ST7: variants seen among roughly 807,000 people sequenced by gnomAD.
ST7 encodes the protein suppressor of tumorigenicity 7 protein.
ST7 carries 28 observed loss-of-function variants against 78.7 expected under a neutral mutation model. That is an observed-to-expected ratio of 0.36 (90% CI 0.26 to 0.49). The LOEUF (loss-of-function observed/expected upper bound fraction) is 0.49, where lower values mean the gene tolerates loss of function less well. ST7 is among the 20% of genes least tolerant of loss of function. The pLI is 0.99. For synonymous variants in ST7, 247 were observed against 249.6 expected (o/e 0.99, Z 0.10); for missense variants, 418 against 696.0 (o/e 0.60, Z 4.49).
At chr7:117,025,228 G>A (rs928145674) in intron 1 of ST7, among the ~76,000 whole-genome samples, 2 of 152,148 alleles carry the variant, frequency 1.3e-5, no homozygotes, top group African/African-American at 4.8e-5. Context: ...TGAATTGGCT[G>A]AGATTTGAAT....
intron 1 of ST7, among the ~76,000 whole-genome samples, chr7:116,975,012 T>A (rs903718076): frequency 6.6e-5 from 10 of 152,194 alleles, no homozygotes; most frequent in Admixed American, 3.9e-4. Context: ...TTTTTTCATA[T>A]TTTAGTTAGG....
intron 1 of ST7, chr7:116,955,157 T>C (rs1792390412): frequency 2.1e-6 from 1 of 469,808 alleles, no homozygotes; most frequent in East Asian, 6.9e-5. Context: ...TAGACAAGTA[T>C]GTCTCCAGGA....
intron 1 of ST7, among the ~76,000 whole-genome samples, chr7:116,999,460 C>T (rs1351616124): frequency 1.3e-5 from 2 of 152,120 alleles, no homozygotes; most frequent in Non-Finnish European, 2.9e-5. Flanking sequence ...GAAAAGTATC[C>T]AGTAACAGAA....
intron 1 of ST7, among the ~76,000 whole-genome samples, chr7:117,037,762 A>G (rs1010359435): frequency 1.3e-5 from 2 of 152,222 alleles, no homozygotes; most frequent in African/African-American, 4.8e-5. Context: ...GGATAGGATT[A>G]AATCCAGTAT....
chr7:117,048,155 G>A (rs1797588116), intron 1 of ST7, among the ~76,000 whole-genome samples: 2 of 152,050 alleles, frequency 1.3e-5, no homozygotes, highest in South Asian at 4.2e-4. Flanking sequence ...ATGTTTAGTA[G>A]GCCGAGAAGG....
intron 1 of ST7, among the ~76,000 whole-genome samples, chr7:117,097,029 T>C (rs1801096407): frequency 6.6e-6 from 1 of 152,100 alleles, no homozygotes; most frequent in African/African-American, 2.4e-5. Context: ...TTATTTTTAA[T>C]CTCTTTTAAA....
At chr7:117,065,097 T>A (rs1385050504) in intron 1 of ST7, among the ~76,000 whole-genome samples, 1 of 152,166 alleles carries the variant, frequency 6.6e-6, no homozygotes, top group African/African-American at 2.4e-5. Context: ...AAAGGTATTA[T>A]TCTAACTATA....
chr7:117,168,567 C>T (rs1807738911), intron 9 of ST7, among the ~76,000 whole-genome samples: 1 of 152,070 alleles, frequency 6.6e-6, no homozygotes, highest in Non-Finnish European at 1.5e-5. Context: ...ACAAGAAATA[C>T]TTTTATTGGT....
chr7:117,091,439 A>G (rs895140203), intron 1 of ST7, among the ~76,000 whole-genome samples: 29 of 152,202 alleles, frequency 1.9e-4, no homozygotes, highest in Admixed American at 1.7e-3. Context: ...TGAAATGAAG[A>G]TATTTTATTT....
At chr7:117,011,662 CA>C (rs1474735455) in intron 1 of ST7, among the ~76,000 whole-genome samples, 8 of 152,154 alleles carry the variant, frequency 5.3e-5, no homozygotes, top group Non-Finnish European at 1.2e-4. Context: ...GGATGGGATT[CA>C]GGGGTGCCAA....
chr7:117,178,098 T>C (rs1472754101), intron 10 of ST7, among the ~76,000 whole-genome samples: 2 of 152,214 alleles, frequency 1.3e-5, no homozygotes, highest in Non-Finnish European at 2.9e-5. Context: ...TGATATCATT[T>C]GTTGCCTGAT....
At chr7:117,031,851 TC>T (rs1796603313) in intron 1 of ST7, among the ~76,000 whole-genome samples, 1 of 22,794 alleles carries the variant, frequency 4.4e-5, no homozygotes, top group African/African-American at 1.3e-4. Context: ...TATATCTATA[TC>T]TATATCTATC....
chr7:117,059,201 G>A, intron 1 of ST7, among the ~76,000 whole-genome samples: 3 of 152,128 alleles, frequency 2.0e-5, no homozygotes, highest in African/African-American at 7.2e-5. Flanking sequence ...TAATTGGATT[G>A]TTTGTAACAC....
chr7:117,218,198 G>A (rs1034032789), intron 13 of ST7, among the ~76,000 whole-genome samples: 1 of 152,148 alleles, frequency 6.6e-6, no homozygotes, highest in East Asian at 1.9e-4. Context: ...TGAAGGCAAG[G>A]ATTGTTATCT....
At chr7:117,045,949 A>G (rs1213889360) in intron 1 of ST7, among the ~76,000 whole-genome samples, 1 of 152,236 alleles carries the variant, frequency 6.6e-6, no homozygotes, top group African/African-American at 2.4e-5. Flanking sequence ...GGTGAAAGCA[A>G]CCAGCATGTG....
intron 1 of ST7, among the ~76,000 whole-genome samples, chr7:117,055,551 C>G (rs1028091224): frequency 6.6e-6 from 1 of 152,182 alleles, no homozygotes; most frequent in African/African-American, 2.4e-5. Context: ...TACAACTTCT[C>G]TTTGCTGGAC....
At position 117,099,055 on chromosome 7, in the gene ST7, AAAAAAAAAAAC is replaced by A. The variant is rs1322006845; in HGVS notation, c.152-696_152-686del. ...AATAAACTCACTTTCGCAAAAAAAAAAAAAAAAAAACAAAAAAAAAAGAAGAAGAAGAAGGT... is the reference window on the plus strand; with the variant it reads ...AATAAACTCACTTTCGCAAAAAAAAAAAAAAAAAAAGAAGAAGAAGAAGGT... On this transcript the variant is annotated intron_variant, in intron 1 of 15. Coordinates refer to ENST00000323984, the MANE Select transcript of ST7 (RefSeq NM_001369598.1). 2.2e-3 allele frequency among the ~76,000 whole-genome samples: 324 copies of A among 145,240 alleles called. 3 individuals carry two copies. Among genetic ancestry groups the A allele is most frequent in the African/African-American group, 7.3e-3 (282 of 38,742 alleles).
intron 3 of ST7, among the ~76,000 whole-genome samples, chr7:117,127,256 G>C (rs1375638352): frequency 1.3e-5 from 2 of 151,816 alleles, no homozygotes; most frequent in African/African-American, 4.8e-5. Flanking sequence ...AGTACTTCCT[G>C]ACTTAAATCT....
At chr7:117,185,901 C>T (rs1023815866) in intron 10 of ST7, among the ~76,000 whole-genome samples, 9 of 151,560 alleles carry the variant, frequency 5.9e-5, no homozygotes, top group South Asian at 2.1e-4. Context: ...CTAGCCTGGG[C>T]GACAGAGCGA....
Sources: gnomAD v4.1 joint callset for allele counts (sites outside exome capture counted in the v4.1 genomes callset) on GRCh38, gnomAD v4.1.1 for gene constraint, MANE v1.5 for transcripts, NCBI Gene and HGNC (gene_info 2026-07-23, HGNC 2026-07-21) for gene names.